The following DNAH5 variants were observed in gnomAD, a reference collection of about 807,000 sequenced individuals.
DNAH5 encodes the protein axonemal beta dynein heavy chain 5.
In DNAH5, 372 loss-of-function variants were observed where a neutral mutation model predicts 518.2. The observed-to-expected ratio is 0.72, with a 90% CI of 0.66 to 0.78. The LOEUF (loss-of-function observed/expected upper bound fraction) is 0.78. Ranked by LOEUF, DNAH5 falls within the 30% of genes least tolerant of loss-of-function variation. The pLI is 0.00. For synonymous variants in DNAH5, 2,039 were observed against 2,025.9 expected (o/e 1.01, Z -0.17); for missense variants, 5,523 against 5,687.0 (o/e 0.97, Z 0.93).
At chr5:13,721,300 T>A (rs1329278203) in intron 70 of DNAH5, 55 bp from the exon 71 acceptor site, 15 of 1,610,686 alleles carry the variant, frequency 9.3e-6, no homozygotes, top group Non-Finnish European at 1.2e-5. Context: ...TTCATGTAGA[T>A]AATGTAGTGT....
rs774208223 is a variant in DNAH5 at position 13,727,588 on chromosome 5, T to C, written c.11952A>G (p.Pro3984=). The change falls in exon 70 of 79, where the codon CCA becomes CCG. Residue 3984 remains proline, a synonymous_variant. Transcript: ENST00000265104. ...DKENPEEEPL[P]NAYDKSLDCF... Reference sequence around the variant, plus strand: ...AGTCAAGAGATTTATCATAGGCATTTGGAAGAGGTTCCTCCTCCGGGTTTT... The same window carrying C: ...AGTCAAGAGATTTATCATAGGCATTCGGAAGAGGTTCCTCCTCCGGGTTTT... 2 of 1,613,902 alleles carry C rather than the reference T, an allele frequency of 1.2e-6. No homozygotes were observed. The highest frequency in any genetic ancestry group is 4.5e-5 in the East Asian group (2 of 44,838).
chr5:13,940,040 TC>T (rs745398489), intron 1 of DNAH5, among the ~76,000 whole-genome samples: 96 of 152,276 alleles, frequency 6.3e-4, no homozygotes, highest in Non-Finnish European at 1.3e-3. Flanking sequence ...CCTCTAGCTC[TC>T]CCTATTTACT....
chr5:13,741,304 G>T (rs1042673241), intron 65 of DNAH5, among the ~76,000 whole-genome samples: 7 of 152,164 alleles, frequency 4.6e-5, no homozygotes, highest in Non-Finnish European at 1.0e-4. Flanking sequence ...TGAGCACAGT[G>T]AATCAGGTCT....
At chr5:13,692,277 C>T in intron 78 of DNAH5, 142 bp from the exon 79 acceptor site, 2 of 913,954 alleles carry the variant, frequency 2.2e-6, no homozygotes, top group South Asian at 2.9e-5. Flanking sequence ...TTTCTGAGGT[C>T]AGGCAATTCC....
In DNAH5 at chr5:13,891,038, G is replaced by A; in HGVS notation, c.2515C>T (p.Pro839Ser). The A allele has an allele frequency of 6.2e-7, 1 of 1,614,150 alleles. No homozygotes were observed. The highest frequency in any genetic ancestry group is 8.5e-7 in the Non-Finnish European group (1 of 1,179,998). ...DAILEEMSST[P>S]LCQLPQEEPL... ...TCCTCCTGGGGAAGCTGACAAAGAG[G>A]CGTGCTGCTCATTTCTTCTAGAATG... The change falls in exon 17 of 79, where the codon CCT (proline) becomes TCT (serine). Residue 839 changes from proline (P) to serine (S), a missense_variant. Transcript: ENST00000265104.
At chr5:13,946,194 G>A (rs961570371), upstream of DNAH5, among the ~76,000 whole-genome samples, 1 of 152,096 alleles carries the variant, frequency 6.6e-6, no homozygotes, top group African/African-American at 2.4e-5. Flanking sequence ...GGTATTTTAG[G>A]CACCATCCTC....
At chr5:13,964,934 T>C (rs1205406538) in intron 1 of DNAH5, among the ~76,000 whole-genome samples, 1 of 152,210 alleles carries the variant, frequency 6.6e-6, no homozygotes, top group Non-Finnish European at 1.5e-5. Flanking sequence ...AGTAATACCT[T>C]CAATGTCCAA....
chr5:13,916,463 A>G lies in DNAH5; in HGVS notation c.1090-8T>C, dbSNP rs16902950. The G allele has an allele frequency of 1.5e-3, 2,231 of 1,458,378 alleles. 29 individuals carry two copies. The African/African-American group carries it at 0.028, about 18-fold the overall frequency. The allele number at this position is 1,458,378 out of a possible 1,614,324, so 90.3% of individuals were successfully genotyped here. ...AGCATCCATCATGGATAGCTGAAAG[A>G]TATCACCAAAGTTTTCAGAAAAAAT... On this transcript the variant is annotated splice_region_variant and splice_polypyrimidine_tract_variant and intron_variant, in intron 8 of 78. Coordinates refer to ENST00000265104, the MANE Select transcript of DNAH5 (RefSeq NM_001369.3).
rs748080642 is a variant in DNAH5 at position 13,919,297 on chromosome 5, G to A, written c.854C>T (p.Ala285Val). The A allele has an allele frequency of 4.3e-6, 7 of 1,614,056 alleles. No homozygotes were observed. In the Admixed American group the frequency reaches 8.3e-5, roughly 19 times the overall value. ...LKEADDVGPRAELEHWKKRLS... is the reference protein window; with the variant it reads ...LKEADDVGPRVELEHWKKRLS... ...TCTTTTTTTCCAGTGCTCCAGCTCCGCTCGTGGCCCAACGTCATCCGCTTC... is the reference window on the plus strand; with the variant it reads ...TCTTTTTTTCCAGTGCTCCAGCTCCACTCGTGGCCCAACGTCATCCGCTTC... Residue 285 changes from alanine to valine, a missense_variant, in exon 7 of 79, where the codon GCG becomes GTG. Physicochemically the swap from Ala to Val is moderately conservative, Grantham distance 64. Transcript: ENST00000265104.
At chr5:13,878,954 C>A (rs983630132) in intron 21 of DNAH5, among the ~76,000 whole-genome samples, 40 of 152,206 alleles carry the variant, frequency 2.6e-4, no homozygotes, top group African/African-American at 9.6e-4. Context: ...CTAGCTCCTA[C>A]CTTACCAGTC....
chr5:13,914,031 G>A (rs532300579), intron 10 of DNAH5, 73 bp from the exon 11 acceptor site: 125 of 1,537,478 alleles, frequency 8.1e-5, no homozygotes, highest in Middle Eastern at 4.5e-4. Flanking sequence ...AAGTGAAGGC[G>A]ACAGCAAAAT....
chr5:13,961,282 T>C (rs989986171), intron 1 of DNAH5, among the ~76,000 whole-genome samples: 1 of 152,216 alleles, frequency 6.6e-6, no homozygotes, highest in Non-Finnish European at 1.5e-5. Context: ...ACGTTTCCAG[T>C]ATGTGTAATT....
chr5:13,839,729 GAA>G (rs1467900811), intron 34 of DNAH5, among the ~76,000 whole-genome samples: 1 of 152,160 alleles, frequency 6.6e-6, no homozygotes, highest in African/African-American at 2.4e-5. Flanking sequence ...ATAGGAATAA[GAA>G]AACTCAAGTG....
chr5:13,793,288 T>C (rs1757287748), intron 49 of DNAH5, among the ~76,000 whole-genome samples: 1 of 152,066 alleles, frequency 6.6e-6, no homozygotes, highest in Non-Finnish European at 1.5e-5. Context: ...TTAGAAACAG[T>C]TAAAGAAAAC....
At chr5:13,990,034 A>C (rs1783405414) in intron 1 of DNAH5, among the ~76,000 whole-genome samples, 1 of 152,194 alleles carries the variant, frequency 6.6e-6, no homozygotes, top group African/African-American at 2.4e-5. Flanking sequence ...TAAGTGACCT[A>C]CTCAAGGTCA....
At chr5:13,956,901 T>C (rs1780798545) in intron 1 of DNAH5, among the ~76,000 whole-genome samples, 1 of 152,344 alleles carries the variant, frequency 6.6e-6, no homozygotes, top group East Asian at 1.9e-4. Context: ...ATATTTTCCT[T>C]ACAGAGAATT....
At chr5:13,942,113 A>G (rs1779510509) in intron 1 of DNAH5, among the ~76,000 whole-genome samples, 1 of 152,222 alleles carries the variant, frequency 6.6e-6, no homozygotes. Context: ...TTTGCAAATG[A>G]GCGAATGAAT....
chr5:13,912,750 A>T (rs1776162797), intron 11 of DNAH5, among the ~76,000 whole-genome samples: 7 of 151,746 alleles, frequency 4.6e-5, no homozygotes, highest in Admixed American at 4.6e-4. Context: ...AAGATTTGGG[A>T]ACTTGAGAAA....
rs760324133 is a variant in DNAH5 at position 13,752,304 on chromosome 5, A to G, written c.10873-15T>C. The G allele has an allele frequency of 6.2e-7, 1 of 1,613,936 alleles. No individual in the cohort carries two copies. Among genetic ancestry groups the G allele is most frequent in the East Asian group, 2.2e-5 (1 of 44,846 alleles). The stretch of plus-strand genomic sequence containing the variant: ...AAAGACGTGATCTAGGAACAGGATC[A>G]CAAGGTTGCTATTGGCAGACATTAC... On this transcript the variant is annotated splice_polypyrimidine_tract_variant and intron_variant, in intron 63 of 78. Coordinates refer to ENST00000265104, the MANE Select transcript of DNAH5 (RefSeq NM_001369.3).
Sources: allele counts gnomAD v4.1 joint callset (sites outside exome capture counted in the v4.1 genomes callset), GRCh38; gene constraint gnomAD v4.1.1; transcripts MANE v1.5; gene names NCBI Gene and HGNC (gene_info 2026-07-23, HGNC 2026-07-21).